The following ZC3H7B variants were observed in gnomAD, a reference collection of about 807,000 sequenced individuals.
The protein encoded by ZC3H7B is zinc finger CCCH domain-containing protein 7B.
In ZC3H7B, 35 loss-of-function variants were observed where a neutral mutation model predicts 116.0. The observed-to-expected ratio is 0.30, with a 90% CI of 0.23 to 0.40. The LOEUF (loss-of-function observed/expected upper bound fraction) is 0.40, where lower values mean the gene tolerates loss of function less well. Among genes scored for constraint, ZC3H7B ranks in the 10% least tolerant of loss-of-function variants. The pLI, the probability that ZC3H7B is intolerant of heterozygous loss-of-function variation, is 1.00. For missense variants in ZC3H7B, 1,011 were observed against 1,321.5 expected (o/e 0.77, Z 3.64); for synonymous variants, 502 against 545.6 (o/e 0.92, Z 1.11).
intron 2 of ZC3H7B, among the ~76,000 whole-genome samples, chr22:41,324,316 G>A (rs1473321334): frequency 6.6e-6 from 1 of 152,180 alleles, no homozygotes; most frequent in Admixed American, 6.5e-5. Context: ...CCACACGCAT[G>A]TGCATACACA....
chr22:41,356,852 G>A (rs755708861), intron 22 of ZC3H7B, 44 bp downstream of exon 22: 15 of 1,609,574 alleles, frequency 9.3e-6, no homozygotes, highest in Middle Eastern at 1.9e-4. Context: ...GGGGTGGCCC[G>A]AGGAGATGGA....
intron 17 of ZC3H7B, among the ~76,000 whole-genome samples, chr22:41,352,486 C>T (rs1010125255): frequency 1.3e-5 from 2 of 152,326 alleles, no homozygotes; most frequent in South Asian, 2.1e-4. Flanking sequence ...AGAGGCCCGG[C>T]GCAGTGGCTC....
chr22:41,309,008 CTT>C (rs57147100), intron 1 of ZC3H7B, among the ~76,000 whole-genome samples: 46 of 103,282 alleles, frequency 4.5e-4, no homozygotes, highest in African/African-American at 1.2e-3. Flanking sequence ...TCCCAGTCTG[CTT>C]TTTTTTTTTT....
At chr22:41,339,794 T>G in intron 9 of ZC3H7B, 22 bp from the exon 10 acceptor site, 3 of 1,562,644 alleles carry the variant, frequency 1.9e-6, no homozygotes, top group Non-Finnish European at 2.6e-6. Context: ...CTCTGACCCC[T>G]CCCTCTGTCC....
chr22:41,309,676 C>T (rs1190110363), intron 1 of ZC3H7B, among the ~76,000 whole-genome samples: 2 of 152,132 alleles, frequency 1.3e-5, no homozygotes, highest in Admixed American at 6.6e-5. Flanking sequence ...TGACTCTGAT[C>T]TCTATTTTTA....
intron 4 of ZC3H7B, among the ~76,000 whole-genome samples, chr22:41,326,598 C>A (rs183737112): frequency 2.0e-5 from 3 of 152,200 alleles, no homozygotes; most frequent in African/African-American, 4.8e-5. Context: ...TGTTTCTTTG[C>A]GGACTTCAGT....
chr22:41,305,114 G>C (rs997296178), intron 1 of ZC3H7B, among the ~76,000 whole-genome samples: 5 of 152,086 alleles, frequency 3.3e-5, no homozygotes, highest in Non-Finnish European at 7.4e-5. Context: ...TGGGACGCCG[G>C]GGCGGGTGGA....
chr22:41,353,445 A>G (rs919853387), intron 17 of ZC3H7B, among the ~76,000 whole-genome samples: 2 of 152,192 alleles, frequency 1.3e-5, no homozygotes, highest in African/African-American at 4.8e-5. Flanking sequence ...ACAGGAGCCA[A>G]CCTAAGCTGC....
chr22:41,327,355 C>T lies in ZC3H7B; in HGVS notation c.435C>T (p.Ala145=), dbSNP rs1392598246. ...AGTGCAGCAGCCGGTGTTCCCTCGC[C>T]CTGCCCCACGTGAGTGTGGCTCTGC... is the stretch of plus-strand genomic sequence containing the variant. ...AYECSSRCSL[A]LPHDESVTQL... The change falls in exon 5 of 23, where the codon GCC becomes GCT. Residue 145 remains alanine (A), a synonymous_variant. Coordinates refer to ENST00000352645, the MANE Select transcript of ZC3H7B (RefSeq NM_017590.6). This position sits in a 1 kb window ranked among gnomAD's most constrained non-coding sequence, Gnocchi z 4.5. 1 of 1,611,052 alleles carries T rather than the reference C, an allele frequency of 6.2e-7. No individual in the cohort carries two copies.
chr22:41,326,013 C>G, intron 4 of ZC3H7B, 95 bp downstream of exon 4: 8 of 1,387,174 alleles, frequency 5.8e-6, no homozygotes, highest in Non-Finnish European at 7.8e-6. Context: ...GCCTGTAGAC[C>G]AGGGCCAGCC....
chr22:41,352,860 C>T (rs2036670378), intron 17 of ZC3H7B, among the ~76,000 whole-genome samples: 1 of 151,408 alleles, frequency 6.6e-6, no homozygotes, highest in Non-Finnish European at 1.5e-5. Flanking sequence ...AGCGGATCAC[C>T]TGAGGTCAGG....
rs947179269 is a variant in ZC3H7B at position 41,338,588 on chromosome 22, A to G, written c.625+233A>G. Among the ~76,000 whole-genome samples the G allele has an allele frequency of 6.6e-6, 1 of 152,052 alleles. No homozygotes were observed. Among genetic ancestry groups the G allele is most frequent in the Non-Finnish European group, 1.5e-5 (1 of 67,966 alleles). On this transcript the variant is annotated intron_variant, in intron 8 of 22. Transcript: ENST00000352645. This position sits in a 1 kb window ranked among gnomAD's most constrained non-coding sequence, Gnocchi z 4.5. ...GGGTGCTGCCTCTTAGCTAGGTGCAACAGTCCCATGGCCTTCACTCCTGGC... is the reference window on the plus strand; with the variant it reads ...GGGTGCTGCCTCTTAGCTAGGTGCAGCAGTCCCATGGCCTTCACTCCTGGC...
intron 13 of ZC3H7B, among the ~76,000 whole-genome samples, chr22:41,345,323 T>C (rs2036570497): frequency 6.6e-6 from 1 of 152,124 alleles, no homozygotes. Flanking sequence ...CAGTGGCTCA[T>C]GCCTGTAATC....
intron 1 of ZC3H7B, among the ~76,000 whole-genome samples, chr22:41,313,449 A>G (rs2036144115): frequency 6.6e-6 from 1 of 152,150 alleles, no homozygotes; most frequent in Non-Finnish European, 1.5e-5. Context: ...ATCACTGGCA[A>G]GGGAAAAAGG....
chr22:41,318,928 A>T (rs964159801), intron 1 of ZC3H7B, among the ~76,000 whole-genome samples: 18 of 152,120 alleles, frequency 1.2e-4, no homozygotes, highest in African/African-American at 4.3e-4. Context: ...CCCACCAGGT[A>T]TCCACAGGGC....
chr22:41,356,082 G>C lies in ZC3H7B; in HGVS notation c.2383+20G>C. 9 of 1,551,874 alleles carry C rather than the reference G, an allele frequency of 5.8e-6. No individual in the cohort carries two copies. The highest frequency in any genetic ancestry group is 7.8e-6 in the Non-Finnish European group (9 of 1,154,168). On this transcript the variant is annotated intron_variant, in intron 20 of 22. Transcript: ENST00000352645. ...ACAAGAGTGAGTGGGCAGACGGGGC[G>C]GGCGGGCCCTCCCCCGGTGTCTCTT... is the stretch of plus-strand genomic sequence containing the variant.
Position 41,345,975 on chromosome 22 carries a change from G to C in ZC3H7B, c.1460-28G>C, listed in dbSNP as rs774893745. On this transcript the variant is annotated intron_variant, in intron 13 of 22. Coordinates refer to ENST00000352645, the MANE Select transcript of ZC3H7B (RefSeq NM_017590.6). ...TGCGGGCTGCTATCCCCGCCTGGCG[G>C]AACGTGTGTCCTGTTGCCTCTTTGC... 4 of 1,612,890 alleles carry C rather than the reference G, an allele frequency of 2.5e-6. No individual in the cohort carries two copies. In the African/African-American group the frequency reaches 4.0e-5, roughly 16 times the overall value.
rs1277136678 is a variant in ZC3H7B at position 41,320,738 on chromosome 22, G to A, written c.53+25G>A. On this transcript the variant is annotated intron_variant, in intron 2 of 22. Transcript: ENST00000352645. ...AGTAAGCCTGCATGCGGCAGGGGCTGGACGGCTGGGTGGGCAAGGGTGGGT... is the reference window on the plus strand; with the variant it reads ...AGTAAGCCTGCATGCGGCAGGGGCTAGACGGCTGGGTGGGCAAGGGTGGGT... 5 of 1,613,482 alleles carry A rather than the reference G, an allele frequency of 3.1e-6. No individual in the cohort carries two copies. The African/African-American group carries it at 6.7e-5, about 22-fold the overall frequency.
Position 41,349,355 on chromosome 22 carries a change from G to A in ZC3H7B, c.1948+54G>A, listed in dbSNP as rs1477361283. ...CAGGTGACTCAGGTGAGGGGTAGGCGGCGCAGGTGAAGGGAGCGCAGGACT... is the reference window on the plus strand; with the variant it reads ...CAGGTGACTCAGGTGAGGGGTAGGCAGCGCAGGTGAAGGGAGCGCAGGACT... On this transcript the variant is annotated intron_variant, in intron 16 of 22. Transcript: ENST00000352645. The surrounding 1 kb of genome is among the most constrained non-coding windows in gnomAD (Gnocchi z 4.9). The A allele has an allele frequency of 1.6e-5, 25 of 1,596,386 alleles. No homozygotes were observed. The highest frequency in any genetic ancestry group is 2.0e-5 in the Non-Finnish European group (24 of 1,170,916).
Sources: gnomAD v4.1 joint callset for allele counts (sites outside exome capture counted in the v4.1 genomes callset) on GRCh38, gnomAD v4.1.1 for gene constraint, Gnocchi (gnomAD v3.1) non-coding constraint, MANE v1.5 for transcripts, NCBI Gene and HGNC (gene_info 2026-07-23, HGNC 2026-07-21) for gene names.